SCAPER: variants seen among roughly 807,000 people sequenced by gnomAD.
SCAPER encodes the protein S phase cyclin A-associated protein in the endoplasmic reticulum.
In SCAPER, 98 loss-of-function variants were observed where a neutral mutation model predicts 182.2. The ratio of observed to expected loss-of-function variants is 0.54; its 90% CI spans 0.46 to 0.64. SCAPER has a LOEUF of 0.64. Ranked by LOEUF, SCAPER falls within the 30% of genes least tolerant of loss-of-function variation. The pLI, the probability that SCAPER is intolerant of heterozygous loss-of-function variation, is 0.00. For synonymous variants in SCAPER, 605 were observed against 564.6 expected (o/e 1.07, Z -1.01); for missense variants, 1,432 against 1,690.0 (o/e 0.85, Z 2.68).
intron 26 of SCAPER, among the ~76,000 whole-genome samples, chr15:76,419,742 ATT>A (rs763340576): frequency 1.3e-5 from 2 of 152,166 alleles, no homozygotes; most frequent in Non-Finnish European, 2.9e-5. Flanking sequence ...ACTAATACTA[ATT>A]CTCAAACTAA....
intron 20 of SCAPER, among the ~76,000 whole-genome samples, chr15:76,674,143 A>T (rs1408531831): frequency 6.6e-6 from 1 of 152,222 alleles, no homozygotes; most frequent in Non-Finnish European, 1.5e-5. Flanking sequence ...TTATAAATGT[A>T]TTACAAATAA....
At position 76,495,235 on chromosome 15, in the gene SCAPER, AATCCGG is replaced by A. The variant is rs1265293296; in HGVS notation, c.2954+9618_2954+9623del. 4.6e-5 allele frequency among the ~76,000 whole-genome samples: 7 copies of A among 152,094 alleles called. No homozygotes were observed. The East Asian group carries it at 1.4e-3, about 29-fold the overall frequency. On this transcript the variant is annotated intron_variant, in intron 24 of 31. Coordinates refer to ENST00000563290, the MANE Select transcript of SCAPER (RefSeq NM_020843.4). ...ATTGACACTGGTAAAACAACAACCC[AATCCGG>A]AATGAAGTTTTGCATTTCTCACTGG...
chr15:76,829,272 A>G (rs1331612240), intron 5 of SCAPER, among the ~76,000 whole-genome samples: 3 of 152,178 alleles, frequency 2.0e-5, no homozygotes, highest in Admixed American at 6.5e-5. Context: ...GCAATGGCAT[A>G]AAGAATGATA....
intron 26 of SCAPER, among the ~76,000 whole-genome samples, chr15:76,431,962 C>G (rs191000692): frequency 6.6e-6 from 1 of 152,152 alleles, no homozygotes; most frequent in East Asian, 1.9e-4. Context: ...AAAATACCTC[C>G]TAAAGGAAGG....
intron 24 of SCAPER, among the ~76,000 whole-genome samples, chr15:76,481,575 T>G (rs1445619602): frequency 6.6e-6 from 1 of 152,210 alleles, no homozygotes; most frequent in African/African-American, 2.4e-5. Context: ...CACAAAAATA[T>G]AGCTTAGTTA....
chr15:76,348,776 G>T, intron 31 of SCAPER, 40 bp from the exon 32 acceptor site: 3 of 1,210,150 alleles, frequency 2.5e-6, no homozygotes, highest in South Asian at 1.5e-5. Flanking sequence ...AAATAAAAGA[G>T]GGTTAAATTC....
In SCAPER at chr15:76,710,668, A is replaced by T. The variant is rs188114508; in HGVS notation, c.2166-4684T>A. Among the ~76,000 whole-genome samples the T allele has an allele frequency of 2.9e-4, 44 of 152,288 alleles. No individual in the cohort carries two copies. In the East Asian group the frequency reaches 7.7e-3, roughly 27 times the overall value. ...GAGAAACATCATATTCATGGATTGT[A>T]ATATAAAATATTGTAAAGATGTCAA... On this transcript the variant is annotated intron_variant, in intron 17 of 31. Transcript: ENST00000563290.
At chr15:76,421,653 T>G (rs990986424) in intron 26 of SCAPER, among the ~76,000 whole-genome samples, 2 of 152,238 alleles carry the variant, frequency 1.3e-5, no homozygotes, top group Non-Finnish European at 2.9e-5. Context: ...ACTTTGGCTT[T>G]TGTTGCCATT....
At chr15:76,672,561 AT>A (rs2057101006) in intron 20 of SCAPER, among the ~76,000 whole-genome samples, 1 of 152,176 alleles carries the variant, frequency 6.6e-6, no homozygotes, top group African/African-American at 2.4e-5. Context: ...AATGAAAGAA[AT>A]CATTTAAGGA....
rs955600301 is a variant in SCAPER at position 76,414,968 on chromosome 15, T to C, written c.3312-10289A>G. 2.6e-5 allele frequency among the ~76,000 whole-genome samples: 4 copies of C among 152,230 alleles called. 1 individual carries two copies. In the South Asian group the frequency reaches 8.3e-4, roughly 32 times the overall value. ...AAGCACCTAATTCTGTTTTATATCC[T>C]TTTCTGCTTAAAATAGCTACAATGG... On this transcript the variant is annotated intron_variant, in intron 26 of 31. Transcript: ENST00000563290.
At chr15:76,549,259 A>G (rs1466992470) in intron 23 of SCAPER, among the ~76,000 whole-genome samples, 1 of 152,240 alleles carries the variant, frequency 6.6e-6, no homozygotes, top group African/African-American at 2.4e-5. Flanking sequence ...ATTACTGGGT[A>G]TATACCCGAA....
At chr15:76,731,849 T>C (rs1397717892) in intron 16 of SCAPER, among the ~76,000 whole-genome samples, 1 of 152,188 alleles carries the variant, frequency 6.6e-6, no homozygotes, top group East Asian at 1.9e-4. Flanking sequence ...TAGTAAACTG[T>C]TTTCCTTTAA....
At chr15:76,532,313 A>ACCCCT (rs376143904) in intron 23 of SCAPER, among the ~76,000 whole-genome samples, 2,188 of 150,318 alleles carry the variant, frequency 0.015, 23 homozygotes, top group Middle Eastern at 0.027. Context: ...CTTTAACATT[A>ACCCCT]CCCCTCCCCT....
intron 21 of SCAPER, among the ~76,000 whole-genome samples, chr15:76,634,045 G>C (rs528100201): frequency 6.6e-6 from 1 of 152,194 alleles, no homozygotes; most frequent in Non-Finnish European, 1.5e-5. Context: ...GTGCCTACTC[G>C]AGCAGCCGCC....
intron 5 of SCAPER, among the ~76,000 whole-genome samples, chr15:76,818,350 T>C (rs553114745): frequency 6.6e-6 from 1 of 152,158 alleles, no homozygotes; most frequent in African/African-American, 2.4e-5. Context: ...ACTCCTAAAG[T>C]ATAACTTGCA....
intron 26 of SCAPER, among the ~76,000 whole-genome samples, chr15:76,418,227 G>T (rs2045792861): frequency 6.6e-6 from 1 of 152,262 alleles, no homozygotes; most frequent in East Asian, 1.9e-4. Flanking sequence ...TAAAGCCCAG[G>T]ATACCACCAC....
intron 22 of SCAPER, among the ~76,000 whole-genome samples, chr15:76,607,304 G>A (rs1194547301): frequency 6.6e-6 from 1 of 152,142 alleles, no homozygotes; most frequent in East Asian, 1.9e-4. Context: ...ATGAAATTCT[G>A]GGTTGAAAAT....
intron 26 of SCAPER, 107 bp downstream of exon 26, chr15:76,433,971 G>T: frequency 2.3e-6 from 2 of 868,912 alleles, no homozygotes; most frequent in Non-Finnish European, 3.5e-6. Flanking sequence ...AGGAATGTGT[G>T]AATGGCATTG....
intron 21 of SCAPER, among the ~76,000 whole-genome samples, chr15:76,643,645 G>A (rs1165194989): frequency 6.6e-6 from 1 of 152,184 alleles, no homozygotes; most frequent in Non-Finnish European, 1.5e-5. Flanking sequence ...CTGTGCCACT[G>A]CACTCCGGCC....
Sources: allele counts gnomAD v4.1 joint callset (sites outside exome capture counted in the v4.1 genomes callset), GRCh38; gene constraint gnomAD v4.1.1; transcripts MANE v1.5; gene names NCBI Gene and HGNC (gene_info 2026-07-23, HGNC 2026-07-21).